Variants in TAFA2 observed in about 807,000 individuals in gnomAD.
TAFA2 encodes chemokine-like protein TAFA-2.
A neutral mutation model predicts 18.8 loss-of-function variants in TAFA2; 7 were observed. The ratio of observed to expected loss-of-function variants is 0.37; its 90% confidence interval spans 0.21 to 0.70. The LOEUF (loss-of-function observed/expected upper bound fraction) is 0.70, where lower values mean the gene tolerates loss of function less well. Among genes scored for constraint, TAFA2 ranks in the 30% least tolerant of loss-of-function variants. The probability of loss-of-function intolerance (pLI) is 0.53; values close to 1 mark genes in which losing one functional copy is unlikely to be tolerated. For synonymous variants in TAFA2, 60 were observed against 54.2 expected, an observed-to-expected ratio of 1.11 and a Z score of -0.47; for missense variants, 122 against 158.1, an observed-to-expected ratio of 0.77 and a Z score of 1.23.
At chr12:62,149,553 G>C (rs2062312385) in intron 1 of TAFA2, among the ~76,000 whole-genome samples, 2 of 147,968 alleles carry the variant, frequency 1.4e-5, no homozygotes, top group Non-Finnish European at 3.0e-5. Context: ...TCCTTAAATA[G>C]AATATATATA....
chr12:62,092,311 T>G (rs1167797157), intron 1 of TAFA2, among the ~76,000 whole-genome samples: 1 of 151,952 alleles, frequency 6.6e-6, no homozygotes, highest in African/African-American at 2.4e-5. Flanking sequence ...AACTTCATCT[T>G]CTATTACCCC....
At chr12:62,245,737 C>T (rs887096915) in intron 1 of TAFA2, among the ~76,000 whole-genome samples, 2 of 139,434 alleles carry the variant, frequency 1.4e-5, no homozygotes, top group African/African-American at 5.5e-5. Flanking sequence ...CATATAGATA[C>T]ATATATACAT....
intron 1 of TAFA2, among the ~76,000 whole-genome samples, chr12:61,940,575 A>C (rs1489153230): frequency 6.6e-6 from 1 of 152,250 alleles, no homozygotes; most frequent in African/African-American, 2.4e-5. Context: ...CACATAGATT[A>C]CAATGGGCCT....
chr12:61,745,086 T>A (rs1868636886), intron 4 of TAFA2, among the ~76,000 whole-genome samples: 1 of 152,056 alleles, frequency 6.6e-6, no homozygotes, highest in Admixed American at 6.6e-5. Flanking sequence ...AGTTTCTGAA[T>A]CTCTCATTAC....
At chr12:61,925,951 T>C (rs1161489001) in intron 1 of TAFA2, among the ~76,000 whole-genome samples, 2 of 152,054 alleles carry the variant, frequency 1.3e-5, no homozygotes, top group East Asian at 3.9e-4. Flanking sequence ...TATAGACCAC[T>C]AGCCAGACTA....
rs564528024 is a variant in TAFA2 at position 61,729,175 on chromosome 12, T to A, written c.385-18758A>T. On this transcript the variant is annotated intron_variant, in intron 4 of 4. Transcript: ENST00000416284. ...GCTCTTAAGATGGCTTCTTTCATCT[T>A]GATTTTAGATAACCTGATGACTATG... Among the ~76,000 whole-genome samples the A allele has an allele frequency of 5.4e-4, 82 of 152,196 alleles. No homozygotes were observed. In the South Asian group the frequency reaches 0.016, roughly 29 times the overall value.
At chr12:61,818,838 C>T (rs915164008) in intron 2 of TAFA2, among the ~76,000 whole-genome samples, 5 of 152,144 alleles carry the variant, frequency 3.3e-5, no homozygotes, top group Non-Finnish European at 5.9e-5. Flanking sequence ...TGCCCATAAG[C>T]AGTTTAATTC....
chr12:62,225,274 T>A (rs1019806404), intron 1 of TAFA2, among the ~76,000 whole-genome samples: 1 of 152,190 alleles, frequency 6.6e-6, no homozygotes, highest in Admixed American at 6.5e-5. Flanking sequence ...AGAGAATGAC[T>A]ACTTTAGCAA....
At chr12:61,719,175 T>C (rs1869788433) in intron 4 of TAFA2, among the ~76,000 whole-genome samples, 1 of 152,202 alleles carries the variant, frequency 6.6e-6, no homozygotes, top group Non-Finnish European at 1.5e-5. Context: ...AAGCTAACTT[T>C]GGAAGACATT....
intron 1 of TAFA2, among the ~76,000 whole-genome samples, chr12:62,069,015 T>C (rs944349070): frequency 4.6e-5 from 7 of 152,088 alleles, no homozygotes; most frequent in African/African-American, 1.4e-4. Flanking sequence ...ATAAAGCATA[T>C]CCTCTCTAGA....
rs113504961 is a variant in TAFA2, at chr12:62,160,944, A to AAATG, written c.-2+30311_-2+30314dup. Among the ~76,000 whole-genome samples the AAATG allele has an allele frequency of 2.4e-3, 370 of 152,264 alleles. 1 individual carries two copies. The highest frequency in any genetic ancestry group is 7.2e-3 in the African/African-American group (301 of 41,550). ...TCCAAAGTGGAATAAGTGAACTGGA[A>AAATG]AATGAATGAATGAATGAATGAATGA... is the stretch of plus-strand genomic sequence containing the variant. On this transcript the variant is annotated intron_variant, in intron 1 of 4. Transcript: ENST00000416284.
intron 2 of TAFA2, among the ~76,000 whole-genome samples, chr12:61,771,942 T>A (rs554897144): frequency 6.7e-6 from 1 of 148,510 alleles, no homozygotes; most frequent in African/African-American, 2.4e-5. Context: ...AACAAAAATA[T>A]GTTTCTTTGA....
intron 1 of TAFA2, among the ~76,000 whole-genome samples, chr12:61,877,774 A>G (rs1424005295): frequency 6.6e-6 from 1 of 152,108 alleles, no homozygotes; most frequent in Non-Finnish European, 1.5e-5. Flanking sequence ...CCCTGAGTTA[A>G]CACTCTTCTT....
chr12:62,051,303 C>T (rs1882046821), intron 1 of TAFA2, among the ~76,000 whole-genome samples: 1 of 152,100 alleles, frequency 6.6e-6, no homozygotes, highest in Non-Finnish European at 1.5e-5. Flanking sequence ...TCATTCAGAT[C>T]CAGAAACAAA....
chr12:62,064,382 T>C (rs1222215552), intron 1 of TAFA2, among the ~76,000 whole-genome samples: 1 of 152,000 alleles, frequency 6.6e-6, no homozygotes, highest in Admixed American at 6.6e-5. Flanking sequence ...ACCCACTTGG[T>C]TTTGAATAAT....
intron 2 of TAFA2, among the ~76,000 whole-genome samples, chr12:61,805,376 T>A (rs1020973356): frequency 6.6e-6 from 1 of 152,100 alleles, no homozygotes; most frequent in Non-Finnish European, 1.5e-5. Flanking sequence ...CCAATTTTTT[T>A]AAATTCAAAA....
chr12:62,235,721 A>G (rs1274101204), intron 1 of TAFA2, among the ~76,000 whole-genome samples: 1 of 151,534 alleles, frequency 6.6e-6, no homozygotes, highest in Non-Finnish European at 1.5e-5. Context: ...TTTTTAGTGG[A>G]TCTATTTTAG....
At chr12:61,808,471 T>A (rs564622434) in intron 2 of TAFA2, among the ~76,000 whole-genome samples, 2 of 151,492 alleles carry the variant, frequency 1.3e-5, no homozygotes, top group Middle Eastern at 3.4e-3. Flanking sequence ...ATGTGGTACA[T>A]CCCCCACCTC....
At chr12:62,222,990 T>C (rs2062770332) in intron 1 of TAFA2, among the ~76,000 whole-genome samples, 1 of 152,030 alleles carries the variant, frequency 6.6e-6, no homozygotes, top group South Asian at 2.1e-4. Context: ...AAAGACAATT[T>C]TAAAATGATA....
Sources: gnomAD v4.1 joint callset for allele counts (sites outside exome capture counted in the v4.1 genomes callset) on GRCh38, gnomAD v4.1.1 for gene constraint, MANE v1.5 for transcripts, NCBI Gene and HGNC (gene_info 2026-07-23, HGNC 2026-07-21) for gene names.